CFAP20DC: variants seen among roughly 807,000 people sequenced by gnomAD.
CFAP20DC encodes the protein protein CFAP20DC.
A neutral mutation model predicts 101.7 loss-of-function variants in CFAP20DC; 84 were observed. The ratio of observed to expected loss-of-function variants is 0.83; its 90% CI spans 0.69 to 0.99. CFAP20DC has a LOEUF of 0.99. Ranked by LOEUF, CFAP20DC falls within the 50% of genes least tolerant of loss-of-function variation. The pLI, the probability that CFAP20DC is intolerant of heterozygous loss-of-function variation, is 0.00. For missense variants in CFAP20DC, 1,007 were observed against 970.3 expected (o/e 1.04, Z -0.50); for synonymous variants, 359 against 351.2 (o/e 1.02, Z -0.25).
chr3:58,780,451 C>A (rs1028347419), intron 15 of CFAP20DC, among the ~76,000 whole-genome samples: 1 of 151,776 alleles, frequency 6.6e-6, no homozygotes, highest in Non-Finnish European at 1.5e-5. Context: ...TCAGTAATAA[C>A]CTTGAATGTG....
chr3:58,850,703 C>T (rs1210030526), intron 12 of CFAP20DC, among the ~76,000 whole-genome samples: 1 of 151,810 alleles, frequency 6.6e-6, no homozygotes, highest in Non-Finnish European at 1.5e-5. Context: ...CAAAAAAGCA[C>T]AGTCCATTTT....
At position 58,795,661 on chromosome 3, in the gene CFAP20DC, G is replaced by C. The variant is rs915513670; in HGVS notation, c.2237+10734C>G. Reference sequence around the variant, plus strand: ...ACATAGAAAAAGCAAAAGTAATAGCGAAAGCCAAGATTCTTCAGGTATCTG... The same window carrying C: ...ACATAGAAAAAGCAAAAGTAATAGCCAAAGCCAAGATTCTTCAGGTATCTG... On this transcript the variant is annotated intron_variant, in intron 15 of 16. Transcript: ENST00000482387. The surrounding 1 kb of genome is among the most constrained non-coding windows in gnomAD (Gnocchi z 4.2). Among the ~76,000 whole-genome samples, 7 of 152,168 alleles carry C rather than the reference G, an allele frequency of 4.6e-5. No individual in the cohort carries two copies. The highest frequency in any genetic ancestry group is 6.5e-5 in the Admixed American group (1 of 15,274).
intron 5 of CFAP20DC, among the ~76,000 whole-genome samples, chr3:58,932,532 C>G (rs550845128): frequency 4.0e-5 from 6 of 151,772 alleles, no homozygotes; most frequent in African/African-American, 7.2e-5. Flanking sequence ...AGAAAGGTCG[C>G]ATTACCTACA....
chr3:59,005,769 G>A (rs1312880383), intron 4 of CFAP20DC, among the ~76,000 whole-genome samples: 1 of 151,774 alleles, frequency 6.6e-6, no homozygotes, highest in Non-Finnish European at 1.5e-5. Context: ...GTCTTCTTTG[G>A]TGGTCGATAG....
intron 15 of CFAP20DC, among the ~76,000 whole-genome samples, chr3:58,760,772 T>C (rs563435394): frequency 6.6e-6 from 1 of 152,348 alleles, no homozygotes; most frequent in South Asian, 2.1e-4. Context: ...CAAAGGACTT[T>C]TCTGCATCTA....
At chr3:58,941,071 C>T (rs1417437667) in intron 4 of CFAP20DC, among the ~76,000 whole-genome samples, 3 of 152,034 alleles carry the variant, frequency 2.0e-5, no homozygotes, top group Non-Finnish European at 4.4e-5. Context: ...TGGCTCATGC[C>T]TGAAATCCCA....
rs894040789 is a variant in CFAP20DC at position 58,892,426 on chromosome 3, G to C, written c.551-7717C>G. Among the ~76,000 whole-genome samples the C allele has an allele frequency of 2.6e-5, 4 of 152,200 alleles. No homozygotes were observed. Among genetic ancestry groups the C allele is most frequent in the African/African-American group, 7.2e-5 (3 of 41,470 alleles). On this transcript the variant is annotated intron_variant, in intron 6 of 16. Coordinates refer to ENST00000482387, the MANE Select transcript of CFAP20DC (RefSeq NM_001394063.1). The surrounding 1 kb of genome is among the most constrained non-coding windows in gnomAD (Gnocchi z 4.0). ...CTGAATCTATAAATTACTTTGAGCA[G>C]TATGGCCATTTTCATGATATTGATT... is the stretch of plus-strand genomic sequence containing the variant.
chr3:58,805,100 G>A (rs576091921), intron 15 of CFAP20DC, among the ~76,000 whole-genome samples: 2 of 152,310 alleles, frequency 1.3e-5, no homozygotes, highest in South Asian at 4.1e-4. Context: ...GTTTATTGCT[G>A]ACTGGACCAG....
At chr3:58,884,818 G>C in intron 6 of CFAP20DC, 109 bp from the exon 7 acceptor site, 5 of 897,850 alleles carry the variant, frequency 5.6e-6, no homozygotes, top group East Asian at 2.6e-5. Flanking sequence ...GTATGACTTT[G>C]TACGAGTTAT....
At chr3:58,944,022 G>GA (rs1340220748) in intron 4 of CFAP20DC, among the ~76,000 whole-genome samples, 1 of 151,988 alleles carries the variant, frequency 6.6e-6, no homozygotes, top group African/African-American at 2.4e-5. Flanking sequence ...CAAGATTAGA[G>GA]AAAAAAGAAT....
intron 4 of CFAP20DC, among the ~76,000 whole-genome samples, chr3:58,978,000 G>C (rs1157241204): frequency 6.6e-6 from 1 of 152,184 alleles, no homozygotes; most frequent in Non-Finnish European, 1.5e-5. Context: ...AACTGAATGG[G>C]GAAAGGCATG....
intron 15 of CFAP20DC, among the ~76,000 whole-genome samples, chr3:58,803,907 T>C (rs1036538408): frequency 6.6e-6 from 1 of 152,262 alleles, no homozygotes. Flanking sequence ...GTGAATTATT[T>C]CATATTCTAT....
At position 58,768,763 on chromosome 3, in the gene CFAP20DC, G is replaced by C. The variant is rs2070567953; in HGVS notation, c.2238-14900C>G. ...ACAGTCACCACCACACTCCCCTCAG[G>C]CTTCACATGAAAGCCACATCCGTAG... is the stretch of plus-strand genomic sequence containing the variant. On this transcript the variant is annotated intron_variant, in intron 15 of 16. Coordinates refer to ENST00000482387, the MANE Select transcript of CFAP20DC (RefSeq NM_001394063.1). Among the ~76,000 whole-genome samples the C allele has an allele frequency of 2.0e-5, 3 of 152,090 alleles. No homozygotes were observed. In the South Asian group the frequency reaches 6.2e-4, roughly 32 times the overall value.
chr3:58,742,469 CT>C lies in CFAP20DC; in HGVS notation c.2435del (p.Glu812GlyfsTer20), dbSNP rs1559532092. On this transcript the variant is annotated frameshift_variant, in exon 17 of 17. Coordinates refer to ENST00000482387, the MANE Select transcript of CFAP20DC (RefSeq NM_001394063.1). LOFTEE classifies it high-confidence loss of function. ...YFDPQTGKYY[E>X]LV is the part of the protein sequence containing the mutation. ...GCCCCGGAAGGAGGCATTATACCAA[CT>C]CATAGTATTTCCCTGTTTGGGGGTC... 1.9e-6 allele frequency: 3 copies of C among 1,603,234 alleles called. No homozygotes were observed. Among genetic ancestry groups the C allele is most frequent in the Non-Finnish European group, 2.6e-6 (3 of 1,174,572 alleles).
intron 4 of CFAP20DC, among the ~76,000 whole-genome samples, chr3:59,003,442 G>A (rs992349617): frequency 6.6e-6 from 1 of 152,144 alleles, no homozygotes; most frequent in South Asian, 2.1e-4. Flanking sequence ...GCTAAAGACT[G>A]CTTTTATAGT....
At chr3:58,953,351 C>G (rs541756292) in intron 4 of CFAP20DC, 1 of 152,300 alleles carries the variant, frequency 6.6e-6, no homozygotes, top group South Asian at 2.1e-4. Context: ...TGAGGTTTAT[C>G]TTCACAGAAC....
At chr3:58,852,549 C>T (rs983515227) in intron 12 of CFAP20DC, among the ~76,000 whole-genome samples, 16 of 151,984 alleles carry the variant, frequency 1.1e-4, no homozygotes, top group African/African-American at 3.6e-4. Flanking sequence ...TTTTTCAGCA[C>T]CACACCTATT....
intron 6 of CFAP20DC, among the ~76,000 whole-genome samples, chr3:58,893,716 CTCT>C (rs1319481415): frequency 9.3e-5 from 14 of 150,726 alleles, no homozygotes; most frequent in South Asian, 8.3e-4. Flanking sequence ...ATGGTACCAG[CTCT>C]TTTTTTGTAC....
intron 5 of CFAP20DC, among the ~76,000 whole-genome samples, chr3:58,916,496 G>T (rs57852461): frequency 0.043 from 6,503 of 152,112 alleles, 462 homozygotes; most frequent in African/African-American, 0.15. Flanking sequence ...ACAAATAAGG[G>T]TATGCATATG....
Sources: allele counts gnomAD v4.1 joint callset (sites outside exome capture counted in the v4.1 genomes callset), GRCh38; gene constraint gnomAD v4.1.1; non-coding constraint Gnocchi (gnomAD v3.1); transcripts MANE v1.5; gene names NCBI Gene and HGNC (gene_info 2026-07-23, HGNC 2026-07-21).